The following TOGARAM1 variants were observed in gnomAD, a reference collection of about 807,000 sequenced individuals.
The protein encoded by TOGARAM1 is TOG array regulator of axonemal microtubules protein 1.
In TOGARAM1, 100 loss-of-function variants were observed where a neutral mutation model predicts 166.6. The observed-to-expected ratio is 0.60, with a 90% CI of 0.51 to 0.71. The LOEUF (loss-of-function observed/expected upper bound fraction) is 0.71. Among genes scored for constraint, TOGARAM1 ranks in the 30% least tolerant of loss-of-function variants. TOGARAM1 has a pLI of 0.00. For missense variants in TOGARAM1, 2,029 were observed against 2,102.7 expected (o/e 0.96, Z 0.69); for synonymous variants, 758 against 763.8 (o/e 0.99, Z 0.13).
intron 6 of TOGARAM1, among the ~76,000 whole-genome samples, chr14:45,010,260 T>G (rs1322870485): frequency 1.3e-5 from 2 of 152,202 alleles, no homozygotes; most frequent in Non-Finnish European, 2.9e-5. Context: ...TTTCAGCCCC[T>G]TATTTTTTCC....
chr14:45,024,273 C>G (rs1880697005), intron 7 of TOGARAM1, among the ~76,000 whole-genome samples: 1 of 152,010 alleles, frequency 6.6e-6, no homozygotes, highest in African/African-American at 2.4e-5. Flanking sequence ...TATTAGCAAA[C>G]TAGATTCCAT....
At chr14:44,968,320 C>T (rs534630793) in intron 1 of TOGARAM1, among the ~76,000 whole-genome samples, 2 of 152,192 alleles carry the variant, frequency 1.3e-5, no homozygotes, top group East Asian at 1.9e-4. Flanking sequence ...AGTGCAGTGG[C>T]GCGATCTCGG....
At chr14:44,975,129 G>T (rs1405036756) in intron 1 of TOGARAM1, among the ~76,000 whole-genome samples, 1 of 152,050 alleles carries the variant, frequency 6.6e-6, no homozygotes, top group East Asian at 1.9e-4. Flanking sequence ...ATTGCTAAAT[G>T]ATTAAAAACA....
At chr14:45,021,071 G>A (rs569046582) in intron 7 of TOGARAM1, among the ~76,000 whole-genome samples, 1 of 152,234 alleles carries the variant, frequency 6.6e-6, no homozygotes, top group South Asian at 2.1e-4. Context: ...GTAGGGGTTA[G>A]GGGTGCTATG....
Position 44,964,414 on chromosome 14 carries a change from C to G in TOGARAM1, c.1993C>G (p.Gln665Glu). The part of the protein sequence containing the change: ...GKNKLPWENE[Q>E]PGIMGENQTS... ...AAATAAATTACCATGGGAAAATGAG[C>G]AACCTGGAATCATGGGAGAAAACCA... Residue 665 changes from glutamine to glutamate, a missense_variant, in exon 1 of 20, where the codon CAA becomes GAA. By Grantham distance (29) the Gln-to-Glu change is conservative. Coordinates refer to ENST00000361462, the MANE Select transcript of TOGARAM1 (RefSeq NM_001308120.2). The G allele has an allele frequency of 6.2e-7, 1 of 1,610,272 alleles. No individual in the cohort carries two copies. Among genetic ancestry groups the G allele is most frequent in the South Asian group, 1.1e-5 (1 of 90,518 alleles).
In TOGARAM1 at chr14:45,028,216, G is replaced by C; in HGVS notation, c.3545G>C (p.Arg1182Thr). The part of the protein sequence containing the change: ...SISKSTYNKM[R>T]QKRKEEKELF... ...TCTAAATCTACTTATAACAAGATGA[G>C]ACAAAAGAGAAAAGAAGAGAAAGAA... is the stretch of plus-strand genomic sequence containing the variant. Residue 1182 changes from arginine to threonine, a missense_variant, in exon 10 of 20, where the codon AGA (arginine) becomes ACA (threonine). Arg to Thr is a moderately conservative substitution (Grantham distance 71). Around this residue, in one of 2 missense-constraint regions of TOGARAM1, gnomAD observed 1,453 missense variants for 1,432.2 expected, o/e 1.01. Coordinates refer to ENST00000361462, the MANE Select transcript of TOGARAM1 (RefSeq NM_001308120.2). 1.3e-6 allele frequency: 2 copies of C among 1,592,292 alleles called. No homozygotes were observed. The highest frequency in any genetic ancestry group is 4.5e-5 in the East Asian group (2 of 44,434).
At chr14:45,050,604 C>T (rs1460478400) in intron 14 of TOGARAM1, among the ~76,000 whole-genome samples, 1 of 151,750 alleles carries the variant, frequency 6.6e-6, no homozygotes, top group Non-Finnish European at 1.5e-5. Flanking sequence ...ACAAAACCCA[C>T]AAAAGCCTGC....
rs1166452205 is a variant in TOGARAM1, at chr14:44,999,482, A to T, written c.2323A>T (p.Ser775Cys). ...SDLQFLGTTS[S>C]HQEKVYASLN... ...CTTACAATTCCTAGGGACAACTAGCAGTCATCAAGAAAAAGGTATAAGTTC... is the reference window on the plus strand; with the variant it reads ...CTTACAATTCCTAGGGACAACTAGCTGTCATCAAGAAAAAGGTATAAGTTC... The change falls in exon 3 of 20, where the codon AGT becomes TGT. Residue 775 changes from serine (S) to cysteine (C), a missense_variant. By Grantham distance (112) the Ser-to-Cys change is moderately radical. Around this residue, in one of 2 missense-constraint regions of TOGARAM1, gnomAD observed 1,453 missense variants for 1,432.2 expected, o/e 1.01. Transcript: ENST00000361462. 1 of 1,605,568 alleles carries T rather than the reference A, an allele frequency of 6.2e-7. No individual in the cohort carries two copies. The highest frequency in any genetic ancestry group is 1.1e-5 in the South Asian group (1 of 89,096).
chr14:45,054,583 T>A, intron 16 of TOGARAM1, 34 bp downstream of exon 16: 1 of 1,443,134 alleles, frequency 6.9e-7, no homozygotes, highest in Non-Finnish European at 9.6e-7. Flanking sequence ...TCAGAGAAAT[T>A]ACTCCCTTGT....
intron 1 of TOGARAM1, 67 bp downstream of exon 1, chr14:44,964,534 C>G (rs1885407235): frequency 6.7e-7 from 1 of 1,484,026 alleles, no homozygotes; most frequent in Non-Finnish European, 9.0e-7. Context: ...CCCGTGATGA[C>G]TTAAGGGTCA....
intron 1 of TOGARAM1, among the ~76,000 whole-genome samples, chr14:44,975,760 C>G (rs1886147722): frequency 6.6e-6 from 1 of 150,918 alleles, no homozygotes; most frequent in Admixed American, 6.6e-5. Context: ...AGCCATCATG[C>G]CCGGCTTCCC....
chr14:44,962,646 G>A lies in TOGARAM1; in HGVS notation c.225G>A (p.Ser75=), dbSNP rs781002055. 2 of 1,614,134 alleles carry A rather than the reference G, an allele frequency of 1.2e-6. No individual in the cohort carries two copies. Among genetic ancestry groups the A allele is most frequent in the South Asian group, 1.1e-5 (1 of 91,074 alleles). The change falls in exon 1 of 20, where the codon TCG becomes TCA. Residue 75 remains serine, a synonymous_variant. Coordinates refer to ENST00000361462, the MANE Select transcript of TOGARAM1 (RefSeq NM_001308120.2). ...TGGCCTCGGCCCTCTTGATGCCCTCGGAGGCAGTCTCAAGCAGCTGGTCTG... is the reference window on the plus strand; with the variant it reads ...TGGCCTCGGCCCTCTTGATGCCCTCAGAGGCAGTCTCAAGCAGCTGGTCTG... ...SPLASALLMP[S]EAVSSSWSES...
chr14:45,070,903 C>T (rs1222034794), intron 18 of TOGARAM1, among the ~76,000 whole-genome samples: 1 of 150,974 alleles, frequency 6.6e-6, no homozygotes, highest in Non-Finnish European at 1.5e-5. Context: ...AAACTGCTTC[C>T]CTTTTTCTGT....
In TOGARAM1 at chr14:44,963,159, C is replaced by G. The variant is rs1337599816; in HGVS notation, c.738C>G (p.Asp246Glu). Residue 246 changes from aspartate (D) to glutamate (E), a missense_variant, in exon 1 of 20, where the codon GAC becomes GAG. By Grantham distance (45) the Asp-to-Glu change is conservative (BLOSUM62 2). Around this residue, in one of 2 missense-constraint regions of TOGARAM1, gnomAD observed 1,453 missense variants for 1,432.2 expected, o/e 1.01. Coordinates refer to ENST00000361462, the MANE Select transcript of TOGARAM1 (RefSeq NM_001308120.2). ...LLLPILLTTE[D>E]LLLGLDLTEV... ...TTCCCATCTTGCTTACTACTGAGGA[C>G]TTGTTGCTTGGTCTGGATCTCACCG... 3 of 1,614,190 alleles carry G rather than the reference C, an allele frequency of 1.9e-6. No individual in the cohort carries two copies. The highest frequency in any genetic ancestry group is 3.3e-5 in the Admixed American group (2 of 60,032).
At chr14:44,990,865 G>A (rs753651102) in intron 1 of TOGARAM1, among the ~76,000 whole-genome samples, 32 of 151,166 alleles carry the variant, frequency 2.1e-4, no homozygotes, top group Non-Finnish European at 3.7e-4. Context: ...TGCCCAGGTC[G>A]GTCTTGGACT....
At chr14:44,986,685 C>A in intron 1 of TOGARAM1, among the ~76,000 whole-genome samples, 1 of 151,414 alleles carries the variant, frequency 6.6e-6, no homozygotes, top group Non-Finnish European at 1.5e-5. Context: ...GTTCTTTTAC[C>A]AAGTGACTGA....
intron 15 of TOGARAM1, 67 bp downstream of exon 15, chr14:45,052,629 G>A: frequency 7.3e-7 from 1 of 1,374,678 alleles, no homozygotes; most frequent in South Asian, 1.4e-5. Flanking sequence ...TCCAGGTAAA[G>A]GATAGGAATA....
intron 13 of TOGARAM1, among the ~76,000 whole-genome samples, chr14:45,045,583 A>ATATGTG (rs1431167583): frequency 1.3e-4 from 5 of 37,472 alleles, no homozygotes; most frequent in Non-Finnish European, 2.2e-4. Flanking sequence ...ATATATATAT[A>ATATGTG]TGTGTGTGTG....
Position 45,011,969 on chromosome 14 carries a change from T to C in TOGARAM1, c.3138-6T>C, listed in dbSNP as rs1481411921. The C allele has an allele frequency of 6.3e-7, 1 of 1,590,514 alleles. No individual in the cohort carries two copies. Among genetic ancestry groups the C allele is most frequent in the South Asian group, 1.1e-5 (1 of 87,360 alleles). ...TGTTTATTGAAATTACTTTGTTTCA[T>C]TGCAGGTCAGACATATTTCCAACAT... is the stretch of plus-strand genomic sequence containing the variant. On this transcript the variant is annotated splice_region_variant and splice_polypyrimidine_tract_variant and intron_variant, in intron 6 of 19. Coordinates refer to ENST00000361462, the MANE Select transcript of TOGARAM1 (RefSeq NM_001308120.2).
Sources: gnomAD v4.1 joint callset for allele counts (sites outside exome capture counted in the v4.1 genomes callset) on GRCh38, gnomAD v4.1.1 for gene constraint, gnomAD v4.1.1 regional missense constraint, MANE v1.5 for transcripts, NCBI Gene and HGNC (gene_info 2026-07-23, HGNC 2026-07-21) for gene names.